Variants in POLA1 observed in about 807,000 individuals in gnomAD.
POLA1 encodes DNA polymerase alpha 1, catalytic subunit, also known as DNA polymerase alpha catalytic subunit.
Under a neutral mutation model 124.0 loss-of-function variants are expected in POLA1, and 15 were observed. The observed-to-expected ratio is 0.12, with a 90% CI of 0.08 to 0.19. The LOEUF is 0.19. POLA1 is among the 10% of genes least tolerant of loss of function. The probability of loss-of-function intolerance (pLI) is 1.00; values close to 1 mark genes in which losing one functional copy is unlikely to be tolerated. For missense variants in POLA1, 886 were observed against 1,103.4 expected, an observed-to-expected ratio of 0.80 and a Z score of 2.79; for synonymous variants, 408 against 389.4, an observed-to-expected ratio of 1.05 and a Z score of -0.56.
At chrX:24,854,458 C>A (rs1463074800) in intron 34 of POLA1, among the ~76,000 whole-genome samples, 1 of 111,863 alleles carries the variant, frequency 8.9e-6, no homozygotes, top group Non-Finnish European at 1.9e-5. Context: ...CCAATAATAT[C>A]ATCGTAATAT....
At chrX:24,724,486 T>C (rs1318985276) in intron 12 of POLA1, 35 bp downstream of exon 12, 1 of 665,187 alleles carries the variant, frequency 1.5e-6, no homozygotes, top group African/African-American at 2.2e-5. Context: ...TCCAGCTCTG[T>C]TTGTTGTTTA....
intron 30 of POLA1, 141 bp downstream of exon 30, chrX:24,815,252 T>C: frequency 3.7e-6 from 2 of 545,897 alleles, no homozygotes; most frequent in East Asian, 3.7e-5. Context: ...ATCTCACAGA[T>C]TGAGTATTAG....
chrX:24,820,465 T>C (rs1218679661), intron 30 of POLA1, among the ~76,000 whole-genome samples: 4 of 111,754 alleles, frequency 3.6e-5, no homozygotes, highest in Non-Finnish European at 5.6e-5. Context: ...CTTTTCTTTA[T>C]GCATACTGAG....
chrX:24,708,372 CTTTTTT>C (rs397799733), intron 4 of POLA1, among the ~76,000 whole-genome samples: 1 of 80,054 alleles, frequency 1.2e-5, no homozygotes, highest in South Asian at 6.9e-4. Context: ...CATGAAAATA[CTTTTTT>C]TTTTTTTTTT....
At chrX:24,839,055 AT>A (rs1240349873) in intron 32 of POLA1, among the ~76,000 whole-genome samples, 1 of 112,056 alleles carries the variant, frequency 8.9e-6, no homozygotes, top group African/African-American at 3.2e-5. Context: ...TTAACATGAC[AT>A]TGTATGTTTT....
chrX:24,826,582 C>T lies in POLA1; in HGVS notation c.3717C>T (p.Val1239=). ...AACCAATAGACGGAATTGATGCTGT[C>T]CTCATTGCAACGTGGTTGGGTAAGT... ...ICEPIDGIDA[V]LIATWLGLDP... The change falls in exon 32 of 37, where the codon GTC becomes GTT. Residue 1239 remains valine, a synonymous_variant. Transcript: ENST00000379068. 8.3e-7 allele frequency: 1 copy of T among 1,200,018 alleles called. No individual in the cohort carries two copies. The highest frequency in any genetic ancestry group is 1.7e-5 in the African/African-American group (1 of 57,474).
intron 11 of POLA1, among the ~76,000 whole-genome samples, chrX:24,723,877 C>T (rs1930362619): frequency 8.9e-6 from 1 of 112,320 alleles, no homozygotes; most frequent in South Asian, 3.7e-4. Flanking sequence ...TACAGGGTTT[C>T]ACCATGTTGA....
At chrX:24,805,733 T>C (rs1226042373) in intron 26 of POLA1, among the ~76,000 whole-genome samples, 1 of 111,605 alleles carries the variant, frequency 9.0e-6, no homozygotes, top group Non-Finnish European at 1.9e-5. Flanking sequence ...TGGTAATGAG[T>C]AGATAAATAT....
At chrX:24,710,490 T>G (rs938816361) in intron 4 of POLA1, among the ~76,000 whole-genome samples, 3 of 111,736 alleles carry the variant, frequency 2.7e-5, no homozygotes, top group African/African-American at 9.8e-5. Context: ...TAATATTCTG[T>G]GTGGATGTAC....
intron 35 of POLA1, among the ~76,000 whole-genome samples, chrX:24,893,485 G>T (rs753030788): frequency 8.9e-6 from 1 of 111,793 alleles, no homozygotes; most frequent in East Asian, 2.8e-4. Flanking sequence ...TCACAATGCT[G>T]TGTGGCTACC....
At chrX:24,873,527 C>T (rs753092202) in intron 34 of POLA1, among the ~76,000 whole-genome samples, 61 of 111,764 alleles carry the variant, frequency 5.5e-4, no homozygotes, top group African/African-American at 1.8e-3. Flanking sequence ...TTTGTGCAAC[C>T]GTTAACAAGA....
chrX:24,974,810 TAAAAA>T (rs964457415), intron 36 of POLA1, among the ~76,000 whole-genome samples: 15 of 111,987 alleles, frequency 1.3e-4, no homozygotes, highest in African/African-American at 3.6e-4. Flanking sequence ...TCCCAGAACT[TAAAAA>T]AGAAAACAAA....
At chrX:24,769,832 C>G (rs1289692268) in intron 26 of POLA1, among the ~76,000 whole-genome samples, 1 of 112,115 alleles carries the variant, frequency 8.9e-6, no homozygotes, top group Non-Finnish European at 1.9e-5. Flanking sequence ...TGCCTGCTAT[C>G]CACGTACAGT....
At chrX:24,902,810 CA>C (rs2047300238) in intron 35 of POLA1, among the ~76,000 whole-genome samples, 1 of 111,882 alleles carries the variant, frequency 8.9e-6, no homozygotes, top group Non-Finnish European at 1.9e-5. Flanking sequence ...ATCAGTGACA[CA>C]TAAAAAAGGA....
At position 24,724,852 on chromosome X, in the gene POLA1, C is replaced by A. The variant is rs914428143; in HGVS notation, c.1317+401C>A. On this transcript the variant is annotated intron_variant, in intron 12 of 36. Transcript: ENST00000379068. ...TAAAAGTCAGGGACTATGATACAGT[C>A]TGATAGAATGAAAATCTCTGGTTCA... 2.7e-5 allele frequency among the ~76,000 whole-genome samples: 3 copies of A among 111,812 alleles called. No individual in the cohort carries two copies. The South Asian group carries it at 1.1e-3, about 42-fold the overall frequency.
At chrX:24,834,569 C>G (rs1428418507) in intron 32 of POLA1, among the ~76,000 whole-genome samples, 1 of 111,619 alleles carries the variant, frequency 9.0e-6, no homozygotes, top group Non-Finnish European at 1.9e-5. Context: ...ATCAGGAGTT[C>G]GAGACAAGCC....
chrX:24,923,264 A>G (rs1192781924), intron 35 of POLA1, among the ~76,000 whole-genome samples: 1 of 111,721 alleles, frequency 9.0e-6, no homozygotes, highest in African/African-American at 3.3e-5. Flanking sequence ...TTCATATTCA[A>G]TTTCATCACA....
intron 36 of POLA1, among the ~76,000 whole-genome samples, chrX:24,952,076 G>C (rs926894169): frequency 1.8e-5 from 2 of 111,646 alleles, no homozygotes; most frequent in Non-Finnish European, 3.8e-5. Context: ...AAATGTGTTG[G>C]TTTGTACCAT....
intron 34 of POLA1, among the ~76,000 whole-genome samples, chrX:24,887,704 A>T (rs2047081663): frequency 9.0e-6 from 1 of 110,965 alleles, no homozygotes; most frequent in Admixed American, 9.6e-5. Flanking sequence ...TTCTGCCTGT[A>T]GTAGAAGTTT....
Sources: gnomAD v4.1 joint callset for allele counts (sites outside exome capture counted in the v4.1 genomes callset) on GRCh38, gnomAD v4.1.1 for gene constraint, MANE v1.5 for transcripts, NCBI Gene and HGNC (gene_info 2026-07-23, HGNC 2026-07-21) for gene names.